The following EXD3 variants were observed in gnomAD, a reference collection of about 807,000 sequenced individuals.
EXD3 encodes exonuclease mut-7 homolog.
A neutral mutation model predicts 98.0 loss-of-function variants in EXD3; 92 were observed. The observed-to-expected ratio is 0.94, with a 90% CI of 0.79 to 1.12. The LOEUF is 1.12. EXD3 is among the 50% of genes most tolerant of loss of function. The pLI, the probability that EXD3 is intolerant of heterozygous loss-of-function variation, is 0.00. For synonymous variants in EXD3, 569 were observed against 526.0 expected (o/e 1.08, Z -1.12); for missense variants, 1,222 against 1,191.6 (o/e 1.03, Z -0.38).
chr9:137,351,966 A>C (rs1241346458), intron 12 of EXD3, 100 bp downstream of exon 12: 1 of 1,444,178 alleles, frequency 6.9e-7, no homozygotes, highest in African/African-American at 1.4e-5. Flanking sequence ...TCATGCCCAG[A>C]GGCCTTGCCT....
chr9:137,366,189 A>G (rs1469119738), intron 7 of EXD3: 1 of 702,210 alleles, frequency 1.4e-6, no homozygotes, highest in East Asian at 2.7e-5. Context: ...GGAATGGATG[A>G]ACAAGAAAGC....
intron 1 of EXD3, among the ~76,000 whole-genome samples, chr9:137,417,797 C>T (rs1034918208): frequency 1.3e-5 from 2 of 152,076 alleles, no homozygotes; most frequent in African/African-American, 4.8e-5. Context: ...AAGCGCAGGC[C>T]GTGCCGCGGG....
At chr9:137,379,721 G>A (rs1314211539) in intron 3 of EXD3, among the ~76,000 whole-genome samples, 2 of 151,984 alleles carry the variant, frequency 1.3e-5, no homozygotes, top group East Asian at 1.9e-4. Flanking sequence ...CGATGAAGCC[G>A]ACGCTCCGTG....
chr9:137,362,038 C>T (rs1325335196), intron 7 of EXD3, among the ~76,000 whole-genome samples: 1 of 152,134 alleles, frequency 6.6e-6, no homozygotes, highest in African/African-American at 2.4e-5. Flanking sequence ...TTCAAAAAGA[C>T]ATAGGCAATC....
chr9:137,387,440 C>T (rs911183288), intron 2 of EXD3, among the ~76,000 whole-genome samples: 44 of 152,202 alleles, frequency 2.9e-4, no homozygotes, highest in African/African-American at 8.9e-4. Flanking sequence ...TCTGCCGTGC[C>T]GGGCTCAGAC....
rs866153673 is a variant in EXD3 at position 137,385,086 on chromosome 9, C to T, written c.56-1709G>A. ...CAGCCTGGGCAACAGAGCGAGACTC[C>T]GTCTCAGACAAAAACCAAAAAACCA... On this transcript the variant is annotated intron_variant, in intron 2 of 21. Transcript: ENST00000340951. The surrounding 1 kb of genome is among the most constrained non-coding windows in gnomAD (Gnocchi z 4.4). Among the ~76,000 whole-genome samples, 13 of 152,124 alleles carry T rather than the reference C, an allele frequency of 8.5e-5. No individual in the cohort carries two copies. The highest frequency in any genetic ancestry group is 8.4e-4 in the South Asian group (4 of 4,786).
At chr9:137,383,882 A>C (rs7028720) in intron 2 of EXD3, among the ~76,000 whole-genome samples, 84,946 of 152,062 alleles carry the variant, frequency 0.56, 24,619 homozygotes, top group African/African-American at 0.71. Context: ...ACTGCAGCAA[A>C]AGTGCCAACC....
chr9:137,310,181 C>T (rs974074902), intron 19 of EXD3, among the ~76,000 whole-genome samples: 5 of 152,350 alleles, frequency 3.3e-5, no homozygotes, highest in South Asian at 4.1e-4. Context: ...CTGAAAGTGG[C>T]GAGGGGGCTG....
chr9:137,389,336 GC>G (rs34237447), intron 2 of EXD3, among the ~76,000 whole-genome samples: 66,463 of 151,880 alleles, frequency 0.44, 14,898 homozygotes, highest in Middle Eastern at 0.49. Flanking sequence ...CTGGCACGGA[GC>G]CCCTTGCTCT....
chr9:137,327,954 CCT>C (rs1460176746), intron 17 of EXD3, among the ~76,000 whole-genome samples: 34 of 148,112 alleles, frequency 2.3e-4, no homozygotes, highest in African/African-American at 8.3e-4. Flanking sequence ...CTAATATACT[CCT>C]ATATGATGAG....
At chr9:137,374,282 C>A (rs1442625620) in intron 3 of EXD3, among the ~76,000 whole-genome samples, 1 of 152,212 alleles carries the variant, frequency 6.6e-6, no homozygotes, top group Non-Finnish European at 1.5e-5. Context: ...GCTCAGCGCT[C>A]GGGACAGGGC....
intron 19 of EXD3, among the ~76,000 whole-genome samples, chr9:137,313,279 C>T (rs1831463381): frequency 6.6e-6 from 1 of 152,110 alleles, no homozygotes; most frequent in African/African-American, 2.4e-5. Flanking sequence ...AGCTCTGCTC[C>T]TCCAAGAGAC....
At chr9:137,392,690 C>T in intron 2 of EXD3, 1 of 336,872 alleles carries the variant, frequency 3.0e-6, no homozygotes, top group Non-Finnish European at 5.8e-6. Context: ...CCAGGGGGTG[C>T]TGTGTCTGTT....
At chr9:137,357,372 T>C (rs1451565287) in intron 7 of EXD3, 1 of 152,176 alleles carries the variant, frequency 6.6e-6, no homozygotes, top group Non-Finnish European at 1.5e-5. Flanking sequence ...ATCCCAGTTA[T>C]TTGTATGTTG....
In EXD3 at chr9:137,309,604, C is replaced by T. The variant is rs1412835270; in HGVS notation, c.2278+3G>A. On this transcript the variant is annotated splice_donor_region_variant and intron_variant, in intron 20 of 21. Coordinates refer to ENST00000340951, the MANE Select transcript of EXD3 (RefSeq NM_017820.5). ...ACCCAGTGCCTGACCCTGACACACT[C>T]ACCTGAGCTCCTGGGCCCCTCCTGG... 1 of 1,555,978 alleles carries T rather than the reference C, an allele frequency of 6.4e-7. No homozygotes were observed. The highest frequency in any genetic ancestry group is 8.7e-7 in the Non-Finnish European group (1 of 1,149,920).
At chr9:137,372,050 A>G (rs946209737) in intron 5 of EXD3, among the ~76,000 whole-genome samples, 4 of 152,184 alleles carry the variant, frequency 2.6e-5, no homozygotes, top group African/African-American at 9.6e-5. Context: ...GGGCTTAAAA[A>G]TCAGCCTTGT....
chr9:137,413,503 C>CTT (rs768508083), intron 1 of EXD3, among the ~76,000 whole-genome samples: 46 of 128,746 alleles, frequency 3.6e-4, no homozygotes, highest in African/African-American at 5.0e-4. Context: ...CCTGGCCTAG[C>CTT]TTTTTTTTTT....
Position 137,351,367 on chromosome 9 carries a change from A to G in EXD3, c.1335T>C (p.Phe445=). 6.2e-7 allele frequency: 1 copy of G among 1,611,942 alleles called. No homozygotes were observed. The highest frequency in any genetic ancestry group is 8.5e-7 in the Non-Finnish European group (1 of 1,179,620). The part of the protein sequence containing the change: ...QPPTGQGAQA[F]SRLVAQLLSD... ...AGAGGAGCTGGGCCACCAGCCGGGAAAAGGCCTGGGCTCCCTGCCCTGTTG... is the reference window on the plus strand; with the variant it reads ...AGAGGAGCTGGGCCACCAGCCGGGAGAAGGCCTGGGCTCCCTGCCCTGTTG... The change falls in exon 13 of 22, where the codon TTT becomes TTC. Residue 445 remains phenylalanine, a synonymous_variant. Transcript: ENST00000340951.
chr9:137,402,282 G>A (rs778597957), intron 1 of EXD3, among the ~76,000 whole-genome samples: 5 of 152,142 alleles, frequency 3.3e-5, no homozygotes, highest in Non-Finnish European at 7.4e-5. Context: ...CCAAAGTGTG[G>A]GGATTACAGG....
Sources: gnomAD v4.1 joint callset for allele counts (sites outside exome capture counted in the v4.1 genomes callset) on GRCh38, gnomAD v4.1.1 for gene constraint, Gnocchi (gnomAD v3.1) non-coding constraint, MANE v1.5 for transcripts, NCBI Gene and HGNC (gene_info 2026-07-23, HGNC 2026-07-21) for gene names.